UBE2W: variants seen among roughly 807,000 people sequenced by gnomAD.
UBE2W encodes the protein ubiquitin-conjugating enzyme E2 W.
In UBE2W, 18 loss-of-function variants were observed where a neutral mutation model predicts 27.2. The ratio of observed to expected loss-of-function variants is 0.66; its 90% confidence interval spans 0.46 to 0.98. UBE2W has a LOEUF of 0.98. Ranked by LOEUF, UBE2W falls within the 50% of genes least tolerant of loss-of-function variation. The pLI is 0.00. For synonymous variants in UBE2W, 53 were observed against 57.2 expected (o/e 0.93, Z 0.33); for missense variants, 90 against 180.2 (o/e 0.50, Z 2.87).
chr8:73,872,087 ACCT>A (rs1812029081), intron 1 of UBE2W, among the ~76,000 whole-genome samples: 1 of 152,002 alleles, frequency 6.6e-6, no homozygotes, highest in Admixed American at 6.6e-5. Context: ...GGATCATCCC[ACCT>A]TAAAAACTCT....
intron 5 of UBE2W, among the ~76,000 whole-genome samples, chr8:73,799,495 T>C (rs1563573013): frequency 6.6e-6 from 1 of 152,158 alleles, no homozygotes; most frequent in African/African-American, 2.4e-5. Flanking sequence ...GTCCTCCTCT[T>C]ATAAAACCAG....
In UBE2W at chr8:73,791,279, AAAG is replaced by A. The variant is rs1213472599; in HGVS notation, c.*2820_*2822del. 34 of 983,412 alleles carry A rather than the reference AAAG, an allele frequency of 3.5e-5. No individual in the cohort carries two copies. In the African/African-American group the frequency reaches 4.3e-4, roughly 12 times the overall value. 60.9% of individuals were successfully genotyped at this position (983,412 alleles called of 1,614,324 possible). On this transcript the variant is annotated 3_prime_UTR_variant, in exon 6 of 6. Transcript: ENST00000602593. ...CTACTTGACCAAAGAAAAAAAAAAA[AAAG>A]AAGGGCATCATGTTCATGATCTAAG...
chr8:73,817,297 C>T (rs1192501174), intron 3 of UBE2W, among the ~76,000 whole-genome samples: 1 of 152,128 alleles, frequency 6.6e-6, no homozygotes, highest in South Asian at 2.1e-4. Flanking sequence ...CACTGCACTA[C>T]AGCCTGGGTG....
intron 5 of UBE2W, among the ~76,000 whole-genome samples, chr8:73,803,828 G>A (rs1447513686): frequency 3.3e-5 from 5 of 149,788 alleles, no homozygotes; most frequent in South Asian, 2.1e-4. Context: ...GTGCAGTGGC[G>A]CGATCTCCGC....
chr8:73,852,289 T>C (rs117380194), intron 1 of UBE2W, among the ~76,000 whole-genome samples: 2,434 of 152,272 alleles, frequency 0.016, 38 homozygotes, highest in Non-Finnish European at 0.025. Context: ...CCAATGTATG[T>C]ACATGTACCT....
rs901024665 is a variant in UBE2W at position 73,861,844 on chromosome 8, TCAAA to T, written c.15+16960_15+16963del. 1.8e-4 allele frequency among the ~76,000 whole-genome samples: 27 copies of T among 152,162 alleles called. 1 individual carries two copies. The highest frequency in any genetic ancestry group is 1.8e-3 in the Admixed American group (27 of 15,260). On this transcript the variant is annotated intron_variant, in intron 1 of 5. Transcript: ENST00000602593. ...TTTTGTTTGTTGTATAAAATGGCCA[TCAAA>T]CAAAACATTTTACTAAAGCTGATAG...
intron 5 of UBE2W, among the ~76,000 whole-genome samples, chr8:73,804,278 TAA>T (rs60509539): frequency 1.4e-3 from 187 of 132,484 alleles, no homozygotes; most frequent in African/African-American, 4.4e-3. Context: ...AGGTTAACAT[TAA>T]AAAAAAAAAA....
At chr8:73,785,071 G>A (rs1807911523), downstream of UBE2W, among the ~76,000 whole-genome samples, 1 of 152,118 alleles carries the variant, frequency 6.6e-6, no homozygotes, top group Non-Finnish European at 1.5e-5. Context: ...CTCCTCTCCT[G>A]TCCTAGCATT....
chr8:73,794,087 A>G lies in UBE2W; in HGVS notation c.*15T>C, dbSNP rs764345944. 14 of 1,613,618 alleles carry G rather than the reference A, an allele frequency of 8.7e-6. No homozygotes were observed. The highest frequency in any genetic ancestry group is 2.2e-5 in the East Asian group (1 of 44,854). On this transcript the variant is annotated 3_prime_UTR_variant, in exon 6 of 6. Coordinates refer to ENST00000602593, the MANE Select transcript of UBE2W (RefSeq NM_018299.6). ...AGTAGGACTATCTTCTGCTAGGAGGATGATAACAGTGGCATCAACAAGTAT... is the reference window on the plus strand; with the variant it reads ...AGTAGGACTATCTTCTGCTAGGAGGGTGATAACAGTGGCATCAACAAGTAT...
chr8:73,811,899 A>G (rs189779179), intron 3 of UBE2W, among the ~76,000 whole-genome samples: 39 of 152,266 alleles, frequency 2.6e-4, no homozygotes, highest in Admixed American at 9.8e-4. Flanking sequence ...AGAATAAGGT[A>G]TGCTATAGTT....
At chr8:73,848,010 T>C (rs1206431305) in intron 1 of UBE2W, among the ~76,000 whole-genome samples, 17 of 151,996 alleles carry the variant, frequency 1.1e-4, no homozygotes, top group African/African-American at 3.9e-4. Flanking sequence ...GAGACCAGCC[T>C]GACCAATACA....
rs1222806555 is a variant in UBE2W at position 73,863,141 on chromosome 8, C to T, written c.15+15667G>A. ...GACACATGCACACGTATGTTTATTG[C>T]GGCATTATTCACAATAGCAAAGACG... is the stretch of plus-strand genomic sequence containing the variant. On this transcript the variant is annotated intron_variant, in intron 1 of 5. Transcript: ENST00000602593. 6.3e-5 allele frequency among the ~76,000 whole-genome samples: 9 copies of T among 141,930 alleles called. 1 individual carries two copies. Among genetic ancestry groups the T allele is most frequent in the Admixed American group, 2.7e-4 (4 of 14,716 alleles). The allele number at this position is 141,930 out of a possible 152,430, so 93.1% of individuals were successfully genotyped here. A position where few individuals can be genotyped will look rare whatever the true frequency, so the allele number is the denominator to read the frequency against.
At chr8:73,813,401 G>A (rs1809257085) in intron 3 of UBE2W, among the ~76,000 whole-genome samples, 1 of 152,182 alleles carries the variant, frequency 6.6e-6, no homozygotes, top group Non-Finnish European at 1.5e-5. Flanking sequence ...AACCAGTAAT[G>A]AAGAAGACAG....
chr8:73,867,713 G>GA (rs71269960), intron 1 of UBE2W, among the ~76,000 whole-genome samples: 23 of 128,704 alleles, frequency 1.8e-4, no homozygotes, highest in South Asian at 2.5e-4. Context: ...CTCTGTCTCA[G>GA]AAAAAAAAAA....
rs1470231825 is a variant in UBE2W at position 73,786,605 on chromosome 8, T to A, written c.*7497A>T. The A allele has an allele frequency of 1.0e-6, 1 of 985,304 alleles. No homozygotes were observed. 61.0% of individuals were successfully genotyped at this position (985,304 alleles called of 1,614,324 possible). On this transcript the variant is annotated 3_prime_UTR_variant, in exon 6 of 6. Coordinates refer to ENST00000602593, the MANE Select transcript of UBE2W (RefSeq NM_018299.6). ...ACCTTTCAGGTAGAAACGCAGATCA[T>A]GAACATTCTAGGAGGGAAGAACATT... is the stretch of plus-strand genomic sequence containing the variant.
At chr8:73,827,877 T>C (rs1381694369) in intron 2 of UBE2W, among the ~76,000 whole-genome samples, 1 of 152,140 alleles carries the variant, frequency 6.6e-6, no homozygotes, top group Non-Finnish European at 1.5e-5. Flanking sequence ...AAAGTTAAGA[T>C]ATGTTCATTG....
At chr8:73,843,609 TGAGTGACAGAGAGAGAC>T (rs1810637825) in intron 1 of UBE2W, among the ~76,000 whole-genome samples, 1 of 152,068 alleles carries the variant, frequency 6.6e-6, no homozygotes, top group Admixed American at 6.6e-5. Context: ...CACTCCAGCC[TGAGTGACAGAGAGAGAC>T]CCTGTCTCTT....
intron 1 of UBE2W, among the ~76,000 whole-genome samples, chr8:73,858,573 G>A (rs188095306): frequency 4.7e-4 from 70 of 149,692 alleles, no homozygotes; most frequent in African/African-American, 1.1e-3. Context: ...TATATTAACT[G>A]TTGCCAGTTC....
chr8:73,792,312 A>C lies in UBE2W; in HGVS notation c.*1790T>G. On this transcript the variant is annotated 3_prime_UTR_variant, in exon 6 of 6. Transcript: ENST00000602593. ...GGTAATTGTTAACTAGCAGTATATA[A>C]ACAGTGTCCACAATTTGGTGGCTGG... 2.0e-6 allele frequency: 2 copies of C among 985,418 alleles called. No individual in the cohort carries two copies. Among genetic ancestry groups the C allele is most frequent in the Non-Finnish European group, 2.4e-6 (2 of 829,768 alleles). The allele number at this position is 985,418 out of a possible 1,614,324, so 61.0% of individuals were successfully genotyped here. A position where few individuals can be genotyped will look rare whatever the true frequency, so the allele number is the denominator to read the frequency against.
Sources: gnomAD v4.1 joint callset for allele counts (sites outside exome capture counted in the v4.1 genomes callset) on GRCh38, gnomAD v4.1.1 for gene constraint, MANE v1.5 for transcripts, NCBI Gene and HGNC (gene_info 2026-07-23, HGNC 2026-07-21) for gene names.